KLHL7: variants seen among roughly 807,000 people sequenced by gnomAD.
KLHL7 encodes the protein kelch-like protein 7.
Under a neutral mutation model 67.4 loss-of-function variants are expected in KLHL7, and 44 were observed. The observed-to-expected ratio is 0.65, with a 90% CI of 0.51 to 0.84. The LOEUF (loss-of-function observed/expected upper bound fraction) is 0.84, where lower values mean the gene tolerates loss of function less well. Ranked by LOEUF, KLHL7 falls within the 40% of genes least tolerant of loss-of-function variation. The pLI, the probability that KLHL7 is intolerant of heterozygous loss-of-function variation, is 0.00. For synonymous variants in KLHL7, 252 were observed against 243.3 expected, an observed-to-expected ratio of 1.04 and a Z score of -0.33; for missense variants, 362 against 718.1, an observed-to-expected ratio of 0.50 and a Z score of 5.67.
chr7:23,127,396 C>G (rs1294412148), intron 4 of KLHL7, among the ~76,000 whole-genome samples: 1 of 152,190 alleles, frequency 6.6e-6, no homozygotes, highest in African/African-American at 2.4e-5. Flanking sequence ...TAGCCTGATT[C>G]CTGGCTAAGC....
chr7:23,111,406 C>G (rs1325693501), intron 1 of KLHL7, among the ~76,000 whole-genome samples: 1 of 152,186 alleles, frequency 6.6e-6, no homozygotes, highest in Non-Finnish European at 1.5e-5. Flanking sequence ...TAGCTAGAGA[C>G]CTGCCCATGC....
At position 23,166,024 on chromosome 7, in the gene KLHL7, T is replaced by C. The variant is rs1038304196; in HGVS notation, c.1177+86T>C. On this transcript the variant is annotated intron_variant, in intron 8 of 10. Coordinates refer to ENST00000339077, the MANE Select transcript of KLHL7 (RefSeq NM_001031710.3). ...TTCATATTTAAATAAACAGCTGGTA[T>C]TATTTGTCCAGATACTTTCTTGGTA... The C allele has an allele frequency of 9.9e-6, 14 of 1,413,274 alleles. No individual in the cohort carries two copies. In the Admixed American group the frequency reaches 1.4e-4, roughly 14 times the overall value. The allele number at this position is 1,413,274 out of a possible 1,614,324, so 87.5% of individuals were successfully genotyped here. A position where few individuals can be genotyped will look rare whatever the true frequency, so the allele number is the denominator to read the frequency against.
intron 1 of KLHL7, among the ~76,000 whole-genome samples, chr7:23,115,410 A>G (rs894208944): frequency 6.6e-6 from 1 of 152,170 alleles, no homozygotes; most frequent in Non-Finnish European, 1.5e-5. Flanking sequence ...GCTTTCTGTA[A>G]TCTATAGACT....
intron 1 of KLHL7, among the ~76,000 whole-genome samples, chr7:23,115,368 A>G (rs140805127): frequency 6.6e-5 from 10 of 152,288 alleles, no homozygotes; most frequent in African/African-American, 2.2e-4. Flanking sequence ...AAAACATAAC[A>G]ATCTTGGCTT....
At position 23,167,903 on chromosome 7, in the gene KLHL7, C is replaced by T; in HGVS notation, c.1245C>T (p.Ser415=). 6.2e-7 allele frequency: 1 copy of T among 1,614,240 alleles called. No individual in the cohort carries two copies. The part of the protein sequence containing the change: ...TRTESWHTKP[S]MLTQRCSHGM... ...CTGAAAGCTGGCACACAAAGCCCAG[C>T]ATGCTGACCCAGCGCTGCAGCCATG... The change falls in exon 9 of 11, where the codon AGC becomes AGT. Residue 415 remains serine, a synonymous_variant. Coordinates refer to ENST00000339077, the MANE Select transcript of KLHL7 (RefSeq NM_001031710.3).
At position 23,174,335 on chromosome 7, in the gene KLHL7, A is replaced by C. The variant is rs777149111; in HGVS notation, c.*37A>C. On this transcript the variant is annotated 3_prime_UTR_variant, in exon 11 of 11. Coordinates refer to ENST00000339077, the MANE Select transcript of KLHL7 (RefSeq NM_001031710.3). ...ACTTCAGACTCATCAGAGACTCTAA[A>C]ATATAGCCACCAGTGCTTTGTTCCA... The C allele has an allele frequency of 1.2e-6, 2 of 1,605,972 alleles. No homozygotes were observed. Among genetic ancestry groups the C allele is most frequent in the South Asian group, 2.2e-5 (2 of 90,648 alleles).
At chr7:23,157,508 C>T (rs766701830) in intron 7 of KLHL7, among the ~76,000 whole-genome samples, 2 of 152,332 alleles carry the variant, frequency 1.3e-5, no homozygotes, top group East Asian at 1.9e-4. Flanking sequence ...GTTTGTTAGA[C>T]AGGTGGTCTT....
chr7:23,164,343 A>G (rs1784937272), intron 7 of KLHL7, among the ~76,000 whole-genome samples: 1 of 152,216 alleles, frequency 6.6e-6, no homozygotes, highest in Non-Finnish European at 1.5e-5. Context: ...ACCTGATTAG[A>G]TAGGTATTAT....
chr7:23,137,217 G>A (rs1173869497), intron 4 of KLHL7, among the ~76,000 whole-genome samples: 1 of 152,160 alleles, frequency 6.6e-6, no homozygotes, highest in East Asian at 1.9e-4. Flanking sequence ...CTCCAGAGGC[G>A]GAGGTTGCAG....
intron 6 of KLHL7, among the ~76,000 whole-genome samples, chr7:23,146,360 G>T (rs1363330531): frequency 6.6e-6 from 1 of 152,118 alleles, no homozygotes; most frequent in African/African-American, 2.4e-5. Context: ...CACTCCATCT[G>T]CCAGCTGTCT....
At chr7:23,148,378 A>T (rs1387371518) in intron 6 of KLHL7, among the ~76,000 whole-genome samples, 1 of 147,640 alleles carries the variant, frequency 6.8e-6, no homozygotes, top group Non-Finnish European at 1.5e-5. Flanking sequence ...ACCTATATTT[A>T]AGGGGTACAA....
chr7:23,123,956 T>A (rs1456438309), intron 2 of KLHL7, 77 bp downstream of exon 2: 1 of 1,049,378 alleles, frequency 9.5e-7, no homozygotes, highest in Non-Finnish European at 1.5e-6. Flanking sequence ...ATATGTCATT[T>A]TTCTAATTTT....
At chr7:23,144,213 A>T (rs1784282725) in intron 6 of KLHL7, among the ~76,000 whole-genome samples, 188 bp downstream of exon 6, 2 of 152,182 alleles carry the variant, frequency 1.3e-5, no homozygotes, top group African/African-American at 4.8e-5. Flanking sequence ...CCCTTATTTT[A>T]TAGGGGTATA....
chr7:23,106,382 G>A, intron 1 of KLHL7: 2 of 1,364,872 alleles, frequency 1.5e-6, no homozygotes, highest in Non-Finnish European at 1.9e-6. Flanking sequence ...CAGACTCCTG[G>A]GGGACTCCTC....
intron 10 of KLHL7, 98 bp downstream of exon 10, chr7:23,173,143 A>G: frequency 1.3e-6 from 1 of 792,482 alleles, no homozygotes; most frequent in East Asian, 2.6e-5. Context: ...AGAAGCATTT[A>G]CCATGTATAT....
chr7:23,168,806 G>A (rs952034843), intron 9 of KLHL7, among the ~76,000 whole-genome samples: 6 of 152,148 alleles, frequency 3.9e-5, no homozygotes, highest in Non-Finnish European at 7.3e-5. Context: ...ATTGCCCATC[G>A]TTCTTCCCTT....
chr7:23,120,381 T>C (rs2128459065), intron 1 of KLHL7, among the ~76,000 whole-genome samples: 1 of 152,318 alleles, frequency 6.6e-6, no homozygotes, highest in East Asian at 1.9e-4. Flanking sequence ...ATGTCTGCTG[T>C]TGATTTCTTA....
At chr7:23,173,205 C>T (rs139325632) in intron 10 of KLHL7, among the ~76,000 whole-genome samples, 160 bp downstream of exon 10, 4 of 152,114 alleles carry the variant, frequency 2.6e-5, no homozygotes, top group East Asian at 3.9e-4. Flanking sequence ...GATAAAATAT[C>T]GCAGGATGTT....
At chr7:23,142,464 GA>G (rs1033373175) in intron 5 of KLHL7, among the ~76,000 whole-genome samples, 5 of 151,996 alleles carry the variant, frequency 3.3e-5, no homozygotes, top group Non-Finnish European at 5.9e-5. Context: ...TAGATAAATA[GA>G]AAAAATTTAC....
Sources: allele counts gnomAD v4.1 joint callset (sites outside exome capture counted in the v4.1 genomes callset), GRCh38; gene constraint gnomAD v4.1.1; transcripts MANE v1.5; gene names NCBI Gene and HGNC (gene_info 2026-07-23, HGNC 2026-07-21).